Variants in KIZ observed in about 807,000 individuals in gnomAD.
KIZ encodes kizuna centrosomal protein, also known as centrosomal protein kizuna.
In KIZ, 68 loss-of-function variants were observed where a neutral mutation model predicts 79.6. That is an observed-to-expected ratio of 0.85 (90% confidence interval 0.70 to 1.05). The LOEUF (loss-of-function observed/expected upper bound fraction) is 1.05, where lower values mean the gene tolerates loss of function less well. KIZ is among the 50% of genes least tolerant of loss of function. The probability of loss-of-function intolerance (pLI) is 0.00; values close to 1 mark genes in which losing one functional copy is unlikely to be tolerated. For missense variants in KIZ, 797 were observed against 800.4 expected, an observed-to-expected ratio of 1.00 and a Z score of 0.05; for synonymous variants, 280 against 281.8, an observed-to-expected ratio of 0.99 and a Z score of 0.06.
At chr20:21,204,648 T>G (rs1382544400) in intron 6 of KIZ, among the ~76,000 whole-genome samples, 2 of 130,054 alleles carry the variant, frequency 1.5e-5, no homozygotes, top group Non-Finnish European at 1.7e-5. Flanking sequence ...TTCCTTACTT[T>G]CTGGTACAAC....
At chr20:21,136,599 G>GTTT in intron 3 of KIZ, 47 bp downstream of exon 3, 15 of 1,035,642 alleles carry the variant, frequency 1.4e-5, no homozygotes, top group South Asian at 4.1e-5. Flanking sequence ...GTTGTTGTGT[G>GTTT]TTTTTTTTTT....
intron 9 of KIZ, among the ~76,000 whole-genome samples, chr20:21,223,171 A>C (rs1318442417): frequency 6.6e-6 from 1 of 152,240 alleles, no homozygotes; most frequent in Non-Finnish European, 1.5e-5. Context: ...AGATTACTCA[A>C]GTTTTGAAAA....
intron 10 of KIZ, among the ~76,000 whole-genome samples, chr20:21,230,041 T>C (rs1482224439): frequency 6.6e-6 from 1 of 152,170 alleles, no homozygotes; most frequent in Non-Finnish European, 1.5e-5. Flanking sequence ...TTTGTGAGAG[T>C]AAATGGATTA....
intron 11 of KIZ, 30 bp downstream of exon 11, chr20:21,232,860 A>G: frequency 2.2e-6 from 2 of 914,344 alleles, no homozygotes; most frequent in Non-Finnish European, 3.6e-6. Flanking sequence ...TCTGAATAGC[A>G]GCAACAAGAT....
intron 11 of KIZ, among the ~76,000 whole-genome samples, chr20:21,235,195 A>T (rs569350777): frequency 2.4e-4 from 37 of 152,166 alleles, no homozygotes; most frequent in Non-Finnish European, 4.7e-4. Flanking sequence ...ATGCAAAGAG[A>T]TACTCTTAGC....
chr20:21,205,600 G>C lies in KIZ; in HGVS notation c.1446+16G>C, dbSNP rs761329761. The C allele has an allele frequency of 2.6e-6, 3 of 1,132,316 alleles. No homozygotes were observed. The highest frequency in any genetic ancestry group is 2.6e-6 in the Non-Finnish European group (2 of 769,188). 70.1% of individuals were successfully genotyped at this position (1,132,316 alleles called of 1,614,324 possible). On this transcript the variant is annotated intron_variant, in intron 7 of 12. Coordinates refer to ENST00000619189, the MANE Select transcript of KIZ (RefSeq NM_018474.6). ...CAAAGAAGAGGTAGGTAGCTAAACT[G>C]TCTGAAGTTTTCCCAATCACAAATG... is the stretch of plus-strand genomic sequence containing the variant.
rs369946264 is a variant in KIZ at position 21,235,065 on chromosome 20, G to A, written c.1880+2235G>A. On this transcript the variant is annotated intron_variant, in intron 11 of 12. Transcript: ENST00000619189. ...ATGCAGAATGAGGGCCAGAGGGTCC[G>A]TCCTATTGGCTAAACAGTGCACTCC... 4.2e-3 allele frequency among the ~76,000 whole-genome samples: 641 copies of A among 152,300 alleles called. 3 individuals carry two copies. Among genetic ancestry groups the A allele is most frequent in the Non-Finnish European group, 6.6e-3 (448 of 68,026 alleles).
In KIZ at chr20:21,126,235, G is replaced by A. The variant is rs138913800; in HGVS notation, c.89+31G>A. On this transcript the variant is annotated intron_variant, in intron 1 of 12. Coordinates refer to ENST00000619189, the MANE Select transcript of KIZ (RefSeq NM_018474.6). The stretch of plus-strand genomic sequence containing the variant: ...GGCACTGGGGCGGGGGTGGGGAGTC[G>A]GCCCGCGCCGGGGGTCTTCCGCGTG... 3,649 of 1,330,838 alleles carry A rather than the reference G, an allele frequency of 2.7e-3. 77 individuals are homozygous for A. The African/African-American group carries it at 0.047, about 17-fold the overall frequency. 82.4% of individuals were successfully genotyped at this position (1,330,838 alleles called of 1,614,324 possible). A position where few individuals can be genotyped will look rare whatever the true frequency, so the allele number is the denominator to read the frequency against.
intron 11 of KIZ, among the ~76,000 whole-genome samples, chr20:21,233,202 G>A (rs2036892507): frequency 1.3e-5 from 2 of 152,172 alleles, no homozygotes; most frequent in South Asian, 4.1e-4. Context: ...TCTTCTTTTT[G>A]TGATGGCTAA....
chr20:21,205,746 C>G (rs373143437), intron 7 of KIZ, among the ~76,000 whole-genome samples, 162 bp downstream of exon 7: 1 of 151,684 alleles, frequency 6.6e-6, no homozygotes, highest in Non-Finnish European at 1.5e-5. Flanking sequence ...GTGGATCACG[C>G]GGTCAAGAGA....
intron 6 of KIZ, among the ~76,000 whole-genome samples, chr20:21,176,449 T>C (rs2034438080): frequency 6.6e-6 from 1 of 151,808 alleles, no homozygotes; most frequent in Non-Finnish European, 1.5e-5. Flanking sequence ...GCCTAACTTC[T>C]AACCAGATGA....
intron 6 of KIZ, 66 bp downstream of exon 6, chr20:21,163,225 C>A: frequency 1.9e-6 from 2 of 1,078,752 alleles, no homozygotes; most frequent in South Asian, 1.5e-5. Context: ...AGAGACCATT[C>A]CACTGGGAAT....
intron 9 of KIZ, among the ~76,000 whole-genome samples, chr20:21,221,894 T>A (rs776058721): frequency 7.5e-5 from 11 of 146,466 alleles, no homozygotes; most frequent in Admixed American, 1.4e-4. Flanking sequence ...ACTGAGGTTT[T>A]ACCGAGAATG....
At position 21,136,459 on chromosome 20, in the gene KIZ, TA is replaced by T; in HGVS notation, c.223del (p.Thr75LeufsTer7). The T allele has an allele frequency of 6.3e-7, 1 of 1,584,570 alleles. No homozygotes were observed. The highest frequency in any genetic ancestry group is 8.6e-7 in the Non-Finnish European group (1 of 1,160,390). ...TATGTGAATCTGAAAAGAAGGCTCA[TA>T]CTCGAAACCAAGAATATTTAAAGCG... ...EICESEKKAH[T>X]RNQEYLKRFE... On this transcript the variant is annotated frameshift_variant, in exon 3 of 13. Transcript: ENST00000619189. LOFTEE classifies it high-confidence loss of function.
chr20:21,235,667 G>A (rs962641146), intron 11 of KIZ, among the ~76,000 whole-genome samples: 4 of 152,218 alleles, frequency 2.6e-5, no homozygotes, highest in Non-Finnish European at 5.9e-5. Flanking sequence ...TTCCTGCCTT[G>A]TAACTTCAGC....
chr20:21,214,493 A>G, intron 7 of KIZ, 42 bp from the exon 8 acceptor site: 1 of 1,485,976 alleles, frequency 6.7e-7, no homozygotes. Context: ...ATGTGGCTAC[A>G]GTTTGTTTTT....
rs1568984809 is a variant in KIZ at position 21,214,666 on chromosome 20, T to C, written c.1578T>C (p.Ala526=). ...GTGGAATAAAGGAAGCCAAACCTGCTGTATGGCTCAACAGTGTTCCTACAA... is the reference window on the plus strand; with the variant it reads ...GTGGAATAAAGGAAGCCAAACCTGCCGTATGGCTCAACAGTGTTCCTACAA... ...DNSGIKEAKP[A]VWLNSVPTRE... Residue 526 remains alanine, a synonymous_variant, in exon 8 of 13, where the codon GCT becomes GCC. Coordinates refer to ENST00000619189, the MANE Select transcript of KIZ (RefSeq NM_018474.6). 1.2e-6 allele frequency: 2 copies of C among 1,612,576 alleles called. No individual in the cohort carries two copies. Among genetic ancestry groups the C allele is most frequent in the Non-Finnish European group, 1.7e-6 (2 of 1,178,658 alleles).
chr20:21,141,571 T>C (rs6047270), intron 3 of KIZ, among the ~76,000 whole-genome samples: 89,886 of 151,830 alleles, frequency 0.59, 28,089 homozygotes, highest in Middle Eastern at 0.74. Flanking sequence ...GTCCTAGGGA[T>C]GTGTGTAGAA....
chr20:21,246,583 G>C lies in KIZ; in HGVS notation c.*7G>C, dbSNP rs1170610516. On this transcript the variant is annotated 3_prime_UTR_variant, in exon 13 of 13. Transcript: ENST00000619189. ...TGATGATTTTTATGACTAACGTGCTGTGACATTGGTTTCAAATAAAGTCTT... is the reference window on the plus strand; with the variant it reads ...TGATGATTTTTATGACTAACGTGCTCTGACATTGGTTTCAAATAAAGTCTT... 2.0e-6 allele frequency: 3 copies of C among 1,537,240 alleles called. No individual in the cohort carries two copies. Among genetic ancestry groups the C allele is most frequent in the Admixed American group, 3.5e-5 (2 of 57,010 alleles).
Sources: gnomAD v4.1 joint callset for allele counts (sites outside exome capture counted in the v4.1 genomes callset) on GRCh38, gnomAD v4.1.1 for gene constraint, MANE v1.5 for transcripts, NCBI Gene and HGNC (gene_info 2026-07-23, HGNC 2026-07-21) for gene names.